LRRC4C: variants seen among roughly 807,000 people sequenced by gnomAD.
LRRC4C encodes leucine rich repeat containing 4C.
In LRRC4C, 5 loss-of-function variants were observed where a neutral mutation model predicts 33.6. That is an observed-to-expected ratio of 0.15 (90% CI 0.08 to 0.31). The LOEUF (loss-of-function observed/expected upper bound fraction) is 0.31. Ranked by LOEUF, LRRC4C falls within the 10% of genes least tolerant of loss-of-function variation. The probability of loss-of-function intolerance (pLI) is 1.00; values close to 1 mark genes in which losing one functional copy is unlikely to be tolerated. For synonymous variants in LRRC4C, 329 were observed against 302.0 expected, an observed-to-expected ratio of 1.09 and a Z score of -0.93; for missense variants, 560 against 796.7, an observed-to-expected ratio of 0.70 and a Z score of 3.58.
chr11:41,071,631 A>C (rs1938692484), intron 1 of LRRC4C, among the ~76,000 whole-genome samples: 1 of 152,188 alleles, frequency 6.6e-6, no homozygotes, highest in African/African-American at 2.4e-5. Flanking sequence ...CAAGGAGATT[A>C]ATGTTTTCAT....
chr11:41,115,803 G>A (rs1405283882), intron 1 of LRRC4C, among the ~76,000 whole-genome samples: 1 of 152,040 alleles, frequency 6.6e-6, no homozygotes, highest in Non-Finnish European at 1.5e-5. Flanking sequence ...GGTAACCAGA[G>A]CTATGTTCCT....
intron 2 of LRRC4C, among the ~76,000 whole-genome samples, chr11:40,772,502 T>G (rs1949801362): frequency 6.6e-6 from 1 of 152,018 alleles, no homozygotes; most frequent in African/African-American, 2.4e-5. Flanking sequence ...CAATAGAAAA[T>G]TAAAAGATCT....
intron 3 of LRRC4C, among the ~76,000 whole-genome samples, chr11:40,615,139 A>G (rs1961637536): frequency 6.6e-6 from 1 of 151,020 alleles, no homozygotes; most frequent in Non-Finnish European, 1.5e-5. Flanking sequence ...GAACTATATT[A>G]TAGCTGATAA....
intron 3 of LRRC4C, among the ~76,000 whole-genome samples, chr11:40,375,547 GGC>G (rs1338872003): frequency 6.6e-6 from 1 of 152,082 alleles, no homozygotes; most frequent in Non-Finnish European, 1.5e-5. Context: ...AACATTTTGT[GGC>G]ATACCACCAG....
chr11:41,220,158 GTAA>G (rs1310643741), intron 1 of LRRC4C, among the ~76,000 whole-genome samples: 2 of 152,140 alleles, frequency 1.3e-5, no homozygotes, highest in East Asian at 3.9e-4. Flanking sequence ...AGGAATAATA[GTAA>G]TAATAATGTT....
At chr11:40,470,290 G>C (rs889388960) in intron 3 of LRRC4C, among the ~76,000 whole-genome samples, 2 of 152,144 alleles carry the variant, frequency 1.3e-5, no homozygotes, top group African/African-American at 4.8e-5. Flanking sequence ...GCAGAAGAGG[G>C]GCCTGACTGT....
At chr11:40,712,390 A>C (rs1226753970) in intron 2 of LRRC4C, among the ~76,000 whole-genome samples, 2 of 152,202 alleles carry the variant, frequency 1.3e-5, no homozygotes, top group African/African-American at 4.8e-5. Context: ...ATATGTAGGA[A>C]GCTTTAAAGA....
chr11:41,211,709 T>A (rs2136319163), intron 1 of LRRC4C, among the ~76,000 whole-genome samples: 1 of 152,334 alleles, frequency 6.6e-6, no homozygotes, highest in Middle Eastern at 3.4e-3. Context: ...ATGTGCCACA[T>A]TTTCTTAATC....
chr11:41,109,293 T>C (rs985492432), intron 1 of LRRC4C, among the ~76,000 whole-genome samples: 33 of 152,092 alleles, frequency 2.2e-4, no homozygotes, highest in African/African-American at 7.7e-4. Flanking sequence ...TTTCAATTGC[T>C]AAAAGACAGC....
At chr11:40,187,886 GA>G (rs1861533732) in intron 5 of LRRC4C, among the ~76,000 whole-genome samples, 1 of 152,168 alleles carries the variant, frequency 6.6e-6, no homozygotes, top group African/African-American at 2.4e-5. Context: ...GAGGAAAAGA[GA>G]AAGGTGTGTG....
intron 2 of LRRC4C, among the ~76,000 whole-genome samples, chr11:40,849,709 T>C (rs1953383524): frequency 6.6e-6 from 1 of 152,122 alleles, no homozygotes; most frequent in Non-Finnish European, 1.5e-5. Flanking sequence ...GGGGAAGTTC[T>C]GGATAATATC....
In LRRC4C at chr11:40,116,011, G is replaced by A. The variant is rs199976963; in HGVS notation, c.282C>T (p.Asn94=). 6.2e-6 allele frequency: 10 copies of A among 1,614,108 alleles called. No homozygotes were observed. In the East Asian group the frequency reaches 1.1e-4, roughly 18 times the overall value. ...HENQIQIIKV[N]SFKHLRHLEI... is the part of the protein sequence containing the mutation. ...CCAAGTGTCTCAAGTGCTTGAAGCTGTTCACTTTGATGATCTGGATTTGGT... is the reference window on the plus strand; with the variant it reads ...CCAAGTGTCTCAAGTGCTTGAAGCTATTCACTTTGATGATCTGGATTTGGT... The change falls in exon 7 of 7, where the codon AAC becomes AAT. Residue 94 remains asparagine (N), a synonymous_variant. Coordinates refer to ENST00000528697, the MANE Select transcript of LRRC4C (RefSeq NM_001258419.2).
At chr11:40,685,495 A>G (rs1944909047) in intron 2 of LRRC4C, among the ~76,000 whole-genome samples, 1 of 152,012 alleles carries the variant, frequency 6.6e-6, no homozygotes, top group Admixed American at 6.6e-5. Flanking sequence ...GAATATTTAT[A>G]GAAAATTTAA....
At chr11:40,804,764 T>A (rs1951175600) in intron 2 of LRRC4C, among the ~76,000 whole-genome samples, 1 of 152,204 alleles carries the variant, frequency 6.6e-6, no homozygotes, top group African/African-American at 2.4e-5. Flanking sequence ...GACTTGAAAT[T>A]ATTTTTTTTT....
At chr11:40,925,406 G>A (rs183482885) in intron 2 of LRRC4C, among the ~76,000 whole-genome samples, 7 of 152,308 alleles carry the variant, frequency 4.6e-5, no homozygotes, top group African/African-American at 1.4e-4. Flanking sequence ...CATGGCAACT[G>A]TCAGTGGTCC....
At chr11:41,372,250 G>A (rs554599089) in intron 1 of LRRC4C, among the ~76,000 whole-genome samples, 3 of 152,216 alleles carry the variant, frequency 2.0e-5, no homozygotes, top group Non-Finnish European at 4.4e-5. Flanking sequence ...TATTTGGTTT[G>A]TACAAAAAGA....
chr11:40,665,325 A>AATATATATATAT (rs1160594156), intron 2 of LRRC4C, among the ~76,000 whole-genome samples: 9 of 13,412 alleles, frequency 6.7e-4, no homozygotes, highest in Non-Finnish European at 1.1e-3. Flanking sequence ...AAAAAAAAAA[A>AATATATATATAT]ATATATATAT....
intron 2 of LRRC4C, among the ~76,000 whole-genome samples, chr11:40,681,859 A>G (rs901290179): frequency 3.3e-5 from 5 of 152,160 alleles, no homozygotes; most frequent in African/African-American, 1.2e-4. Flanking sequence ...AAAACCAAAC[A>G]TCGTATTTTC....
At chr11:41,083,839 G>A (rs763465383) in intron 1 of LRRC4C, among the ~76,000 whole-genome samples, 7 of 152,176 alleles carry the variant, frequency 4.6e-5, no homozygotes, top group Non-Finnish European at 1.0e-4. Context: ...ATTCATGACA[G>A]TGGAAACACA....
Sources: gnomAD v4.1 joint callset for allele counts (sites outside exome capture counted in the v4.1 genomes callset) on GRCh38, gnomAD v4.1.1 for gene constraint, MANE v1.5 for transcripts, NCBI Gene and HGNC (gene_info 2026-07-23, HGNC 2026-07-21) for gene names.